SIN3A: variants seen among roughly 807,000 people sequenced by gnomAD.
SIN3A encodes the protein SIN3 transcription regulator family member A, also known as paired amphipathic helix protein Sin3a.
Under a neutral mutation model 146.1 loss-of-function variants are expected in SIN3A, and 14 were observed. The ratio of observed to expected loss-of-function variants is 0.10; its 90% CI spans 0.06 to 0.15. The LOEUF is 0.15. Ranked by LOEUF, SIN3A falls within the 10% of genes least tolerant of loss-of-function variation. The probability of loss-of-function intolerance (pLI) is 1.00; values close to 1 mark genes in which losing one functional copy is unlikely to be tolerated. For synonymous variants in SIN3A, 572 were observed against 572.0 expected, an observed-to-expected ratio of 1.00 and a Z score of 0.00; for missense variants, 1,028 against 1,576.0, an observed-to-expected ratio of 0.65 and a Z score of 5.89.
chr15:75,453,230 TC>T (rs2074436950), upstream of SIN3A: 1 of 152,402 alleles, frequency 6.6e-6, no homozygotes, highest in Non-Finnish European at 1.5e-5. Context: ...TGGGCCTGAC[TC>T]CAGCGATGGC....
At position 75,370,567 on chromosome 15, in the gene SIN3A, C is replaced by T. The variant is rs1452972317; in HGVS notation, c.*1412G>A. On this transcript the variant is annotated 3_prime_UTR_variant, in exon 21 of 21. Transcript: ENST00000394947. ...GTATCCCATTTCAAATTCTCTCCCT[C>T]CCAACTCCATTTATAAGGTATACCA... 1.3e-5 allele frequency: 2 copies of T among 152,168 alleles called. No individual in the cohort carries two copies. The highest frequency in any genetic ancestry group is 4.8e-5 in the African/African-American group (2 of 41,432). 9.4% of individuals were successfully genotyped at this position (152,168 alleles called of 1,614,324 possible). A position where few individuals can be genotyped will look rare whatever the true frequency, so the allele number is the denominator to read the frequency against.
intron 3 of SIN3A, chr15:75,415,979 G>A: frequency 2.9e-6 from 1 of 341,082 alleles, no homozygotes; most frequent in Non-Finnish European, 5.7e-6. Flanking sequence ...TGCCAAAACA[G>A]ACCAGGCACA....
intron 1 of SIN3A, among the ~76,000 whole-genome samples, chr15:75,441,022 G>A (rs2074200335): frequency 6.6e-6 from 1 of 150,932 alleles, no homozygotes; most frequent in Admixed American, 6.6e-5. Context: ...AAAGAAACAG[G>A]GTTGGCCAGG....
chr15:75,396,975 G>T (rs569144505), intron 12 of SIN3A, among the ~76,000 whole-genome samples: 1 of 152,148 alleles, frequency 6.6e-6, no homozygotes, highest in East Asian at 1.9e-4. Flanking sequence ...AGAGTTTTTT[G>T]GTTTAACTTG....
At chr15:75,431,115 A>G (rs1023589194) in intron 1 of SIN3A, among the ~76,000 whole-genome samples, 2 of 152,190 alleles carry the variant, frequency 1.3e-5, no homozygotes, top group Admixed American at 6.5e-5. Flanking sequence ...ACCTACTACT[A>G]TAATTGTGGT....
At position 75,401,903 on chromosome 15, in the gene SIN3A, T is replaced by C; in HGVS notation, c.1475A>G (p.Gln492Arg). The C allele has an allele frequency of 6.2e-7, 1 of 1,614,106 alleles. No homozygotes were observed. The highest frequency in any genetic ancestry group is 8.5e-7 in the Non-Finnish European group (1 of 1,179,936). Reference protein sequence around the residue: ...NFLRCLVIFNQEVISRAELVQ... With the variant: ...NFLRCLVIFNREVISRAELVQ... ...AAGCTCAGCACGAGAGATCACCTCC[T>C]GGTTAAAAATAACAAGACAGCGTAG... Residue 492 changes from glutamine (Q) to arginine (R), a missense_variant, in exon 10 of 21, where the codon CAG becomes CGG. Gln to Arg is a conservative substitution (Grantham distance 43, BLOSUM62 1). Transcript: ENST00000394947.
chr15:75,392,172 C>T, intron 15 of SIN3A, 70 bp downstream of exon 15: 1 of 1,375,108 alleles, frequency 7.3e-7, no homozygotes, highest in South Asian at 1.3e-5. Context: ...AAGAAGCAGT[C>T]CCAAGTCTAG....
intron 9 of SIN3A, among the ~76,000 whole-genome samples, chr15:75,406,222 C>T (rs141686346): frequency 1.5e-4 from 23 of 152,310 alleles, no homozygotes; most frequent in African/African-American, 5.5e-4. Flanking sequence ...GCAAATCACA[C>T]TTAAGTTTAT....
chr15:75,403,313 C>T (rs1051691949), intron 9 of SIN3A, among the ~76,000 whole-genome samples: 1 of 151,454 alleles, frequency 6.6e-6, no homozygotes, highest in Non-Finnish European at 1.5e-5. Flanking sequence ...ACCTGTAGTC[C>T]CAGTGACTCA....
chr15:75,445,949 T>C (rs780325019), intron 1 of SIN3A, among the ~76,000 whole-genome samples: 9 of 152,282 alleles, frequency 5.9e-5, no homozygotes, highest in South Asian at 4.1e-4. Context: ...TCCTCTACCA[T>C]GCTCAGCATA....
At chr15:75,394,638 T>C (rs778116311) in intron 14 of SIN3A, 42 bp downstream of exon 14, 1 of 1,505,246 alleles carries the variant, frequency 6.6e-7, no homozygotes, top group Admixed American at 2.0e-5. Context: ...GTGCTAAATA[T>C]AGACTAGAGT....
chr15:75,406,406 G>A (rs1042945842), intron 9 of SIN3A, among the ~76,000 whole-genome samples: 5 of 152,168 alleles, frequency 3.3e-5, no homozygotes, highest in South Asian at 2.1e-4. Context: ...ACAAGTCATC[G>A]GCCAGGCGCG....
At chr15:75,377,032 C>T (rs2072876231) in intron 19 of SIN3A, among the ~76,000 whole-genome samples, 1 of 152,100 alleles carries the variant, frequency 6.6e-6, no homozygotes, top group African/African-American at 2.4e-5. Context: ...ACATTATTTC[C>T]CTTTTTTGCT....
At chr15:75,453,993 C>T (rs1469733891), upstream of SIN3A, 2 of 152,238 alleles carry the variant, frequency 1.3e-5, no homozygotes, top group East Asian at 3.9e-4. Flanking sequence ...GCGGGCCTCA[C>T]ACATGTGCGG....
chr15:75,450,376 G>A (rs2074380706), intron 1 of SIN3A, among the ~76,000 whole-genome samples: 1 of 152,100 alleles, frequency 6.6e-6, no homozygotes, highest in Non-Finnish European at 1.5e-5. Flanking sequence ...TGGCTCAAAG[G>A]AAGCCCCGCC....
intron 8 of SIN3A, among the ~76,000 whole-genome samples, chr15:75,407,646 A>C (rs1001040566): frequency 7.2e-5 from 11 of 152,100 alleles, no homozygotes; most frequent in African/African-American, 2.7e-4. Context: ...TAATCCCAGC[A>C]CTTTGGGAGG....
intron 9 of SIN3A, among the ~76,000 whole-genome samples, chr15:75,406,724 A>C (rs186985648): frequency 1.5e-4 from 23 of 152,306 alleles, no homozygotes; most frequent in African/African-American, 5.5e-4. Context: ...AATCCTCAAA[A>C]ATTGGTACAG....
intron 9 of SIN3A, among the ~76,000 whole-genome samples, chr15:75,405,713 T>C (rs973218119): frequency 3.9e-5 from 6 of 152,148 alleles, no homozygotes; most frequent in African/African-American, 1.4e-4. Context: ...ATTGCGCCAT[T>C]GCACTCCAAG....
chr15:75,425,782 T>A (rs1039348280), intron 2 of SIN3A, among the ~76,000 whole-genome samples: 1 of 152,132 alleles, frequency 6.6e-6, no homozygotes, highest in African/African-American at 2.4e-5. Context: ...GGAGACTAAA[T>A]AACATGAAAC....
Sources: allele counts gnomAD v4.1 joint callset (sites outside exome capture counted in the v4.1 genomes callset), GRCh38; gene constraint gnomAD v4.1.1; transcripts MANE v1.5; gene names NCBI Gene and HGNC (gene_info 2026-07-23, HGNC 2026-07-21).